DENND1A: variants seen among roughly 807,000 people sequenced by gnomAD.
The protein encoded by DENND1A is DENN domain-containing protein 1A.
DENND1A carries 51 observed loss-of-function variants against 113.7 expected under a neutral mutation model. The observed-to-expected ratio is 0.45, with a 90% confidence interval of 0.36 to 0.57. DENND1A has a LOEUF of 0.57. DENND1A is among the 20% of genes least tolerant of loss of function. DENND1A has a pLI of 0.00. For missense variants in DENND1A, 1,258 were observed against 1,395.9 expected (o/e 0.90, Z 1.57); for synonymous variants, 565 against 570.8 (o/e 0.99, Z 0.14).
At chr9:123,542,313 T>C (rs149216234) in intron 13 of DENND1A, among the ~76,000 whole-genome samples, 21 of 152,290 alleles carry the variant, frequency 1.4e-4, no homozygotes, top group African/African-American at 5.1e-4. Context: ...GGTAATAGGG[T>C]TCAGAAAGGT....
intron 1 of DENND1A, among the ~76,000 whole-genome samples, chr9:123,899,051 C>G (rs955372015): frequency 1.3e-5 from 2 of 152,178 alleles, no homozygotes; most frequent in Admixed American, 6.5e-5. Flanking sequence ...CCCCGAGGCT[C>G]AAATCTTGAA....
rs572751474 is a variant in DENND1A at position 123,916,038 on chromosome 9, T to G, written c.17+13851A>C. ...CCCAAATTCCACTTGGAAAAATCTA[T>G]CGCAATGGTATAATGGTAAAAATAC... On this transcript the variant is annotated intron_variant, in intron 1 of 23. Transcript: ENST00000394215. Among the ~76,000 whole-genome samples, 6 of 152,170 alleles carry G rather than the reference T, an allele frequency of 3.9e-5. No individual in the cohort carries two copies. In the East Asian group the frequency reaches 1.2e-3, roughly 29 times the overall value.
At chr9:123,646,343 ACT>A (rs1164363432) in intron 9 of DENND1A, among the ~76,000 whole-genome samples, 2 of 152,014 alleles carry the variant, frequency 1.3e-5, no homozygotes, top group African/African-American at 4.8e-5. Flanking sequence ...TAAATAGGTA[ACT>A]CTCTTGAGGA....
chr9:123,480,162 G>A (rs1456719832), intron 13 of DENND1A, among the ~76,000 whole-genome samples: 1 of 152,054 alleles, frequency 6.6e-6, no homozygotes, highest in Non-Finnish European at 1.5e-5. Flanking sequence ...GGGTTCCCAG[G>A]CCTCCCCATC....
At chr9:123,589,512 C>T (rs753201216) in intron 11 of DENND1A, among the ~76,000 whole-genome samples, 12 of 151,064 alleles carry the variant, frequency 7.9e-5, no homozygotes, top group Admixed American at 2.6e-4. Context: ...ACTAGTACTG[C>T]GGCACACCGA....
chr9:123,523,675 C>G (rs1205338549), intron 13 of DENND1A, among the ~76,000 whole-genome samples: 1 of 152,142 alleles, frequency 6.6e-6, no homozygotes, highest in Non-Finnish European at 1.5e-5. Flanking sequence ...GAGCGAAGGC[C>G]AGAAATGTTG....
chr9:123,669,069 G>A (rs2063631481), intron 7 of DENND1A, among the ~76,000 whole-genome samples: 2 of 152,118 alleles, frequency 1.3e-5, no homozygotes, highest in African/African-American at 4.8e-5. Flanking sequence ...TATATGAAAT[G>A]CTTACCATTC....
intron 22 of DENND1A, among the ~76,000 whole-genome samples, chr9:123,384,413 C>G (rs2042450622): frequency 6.6e-6 from 1 of 152,212 alleles, no homozygotes; most frequent in Non-Finnish European, 1.5e-5. Context: ...CCTAAGCTTG[C>G]CCTGCTAACC....
rs137917009 is a variant in DENND1A at position 123,918,859 on chromosome 9, G to C, written c.17+11030C>G. Among the ~76,000 whole-genome samples the C allele has an allele frequency of 4.5e-3, 681 of 152,192 alleles. 8 individuals are homozygous for C. The highest frequency in any genetic ancestry group is 0.016 in the African/African-American group (658 of 41,544). On this transcript the variant is annotated intron_variant, in intron 1 of 23. Coordinates refer to ENST00000394215, the MANE Select transcript of DENND1A (RefSeq NM_001352964.2). ...GATAACCAGACATAATGTACCTCTT[G>C]ATGGAAGTACCTATCACCACTTTTA...
intron 5 of DENND1A, among the ~76,000 whole-genome samples, chr9:123,725,720 C>T (rs2067657751): frequency 1.3e-5 from 2 of 152,244 alleles, no homozygotes; most frequent in Admixed American, 1.3e-4. Flanking sequence ...TGCTCGGATG[C>T]TTCCAGAGAA....
At chr9:123,773,527 C>T (rs1425858546) in intron 3 of DENND1A, among the ~76,000 whole-genome samples, 1 of 152,124 alleles carries the variant, frequency 6.6e-6, no homozygotes, top group Non-Finnish European at 1.5e-5. Flanking sequence ...GAAGCAAAAT[C>T]TCGAAGACCA....
chr9:123,732,911 G>C lies in DENND1A; in HGVS notation c.302+24792C>G, dbSNP rs911092220. On this transcript the variant is annotated intron_variant, in intron 5 of 23. Coordinates refer to ENST00000394215, the MANE Select transcript of DENND1A (RefSeq NM_001352964.2). ...GCTTTCTCAAAGAGTTTTTAATGAG[G>C]ATTAAATGAGAGAGCGCATGGACAG... 3.3e-5 allele frequency among the ~76,000 whole-genome samples: 5 copies of C among 152,290 alleles called. No homozygotes were observed. In the East Asian group the frequency reaches 9.6e-4, roughly 29 times the overall value.
chr9:123,395,190 G>T, intron 21 of DENND1A, among the ~76,000 whole-genome samples: 1 of 152,148 alleles, frequency 6.6e-6, no homozygotes, highest in East Asian at 1.9e-4. Context: ...TTGAGGATGA[G>T]GCCCCTGTTC....
At chr9:123,637,201 C>T (rs1428490425) in intron 9 of DENND1A, among the ~76,000 whole-genome samples, 1 of 152,152 alleles carries the variant, frequency 6.6e-6, no homozygotes, top group Admixed American at 6.5e-5. Flanking sequence ...CCCCTCTGAA[C>T]ATAAACGCAA....
intron 5 of DENND1A, among the ~76,000 whole-genome samples, chr9:123,700,341 C>T (rs965402266): frequency 9.2e-5 from 14 of 152,186 alleles, no homozygotes; most frequent in Non-Finnish European, 1.9e-4. Flanking sequence ...GGAGAACTGA[C>T]ATCTGTATCA....
intron 5 of DENND1A, among the ~76,000 whole-genome samples, chr9:123,695,540 C>T (rs1336247966): frequency 6.6e-6 from 1 of 152,014 alleles, no homozygotes; most frequent in Non-Finnish European, 1.5e-5. Flanking sequence ...ACTAATACAG[C>T]ATTCTATAGC....
At chr9:123,702,525 G>T (rs2065942705) in intron 5 of DENND1A, among the ~76,000 whole-genome samples, 1 of 152,046 alleles carries the variant, frequency 6.6e-6, no homozygotes, top group African/African-American at 2.4e-5. Flanking sequence ...AACTGTCAAA[G>T]ATCAAAGACA....
chr9:123,633,491 C>T (rs1278318612), intron 9 of DENND1A, among the ~76,000 whole-genome samples: 4 of 152,088 alleles, frequency 2.6e-5, no homozygotes, highest in Non-Finnish European at 4.4e-5. Flanking sequence ...AAGTCTAAAA[C>T]AGTTTGGGTG....
chr9:123,753,155 C>T (rs1452041165), intron 5 of DENND1A, among the ~76,000 whole-genome samples: 1 of 152,166 alleles, frequency 6.6e-6, no homozygotes, highest in African/African-American at 2.4e-5. Context: ...TTCATTCCTT[C>T]ATAAAACAAG....
Sources: allele counts gnomAD v4.1 joint callset (sites outside exome capture counted in the v4.1 genomes callset), GRCh38; gene constraint gnomAD v4.1.1; transcripts MANE v1.5; gene names NCBI Gene and HGNC (gene_info 2026-07-23, HGNC 2026-07-21).